The following PADI1 variants were observed in gnomAD, a reference collection of about 807,000 sequenced individuals.
The protein encoded by PADI1 is peptidyl arginine deiminase 1, also known as protein-arginine deiminase type-1.
In PADI1, 65 loss-of-function variants were observed where a neutral mutation model predicts 74.8. The ratio of observed to expected loss-of-function variants is 0.87; its 90% CI spans 0.71 to 1.07. PADI1 has a LOEUF of 1.07. Ranked by LOEUF, PADI1 falls within the 50% of genes least tolerant of loss-of-function variation. The pLI is 0.00. For synonymous variants in PADI1, 371 were observed against 336.2 expected (o/e 1.10, Z -1.13); for missense variants, 943 against 854.0 (o/e 1.10, Z -1.30).
At chr1:17,209,139 A>G (rs2071766878) in intron 1 of PADI1, among the ~76,000 whole-genome samples, 1 of 152,228 alleles carries the variant, frequency 6.6e-6, no homozygotes, top group African/African-American at 2.4e-5. Context: ...GTGTACATCG[A>G]GTAAATTAAT....
chr1:17,212,761 G>T (rs897334412), intron 1 of PADI1, among the ~76,000 whole-genome samples: 3 of 152,168 alleles, frequency 2.0e-5, no homozygotes, highest in African/African-American at 7.2e-5. Flanking sequence ...GCCCGTCTCT[G>T]ACCCAAGGCC....
intron 1 of PADI1, among the ~76,000 whole-genome samples, chr1:17,207,526 A>G (rs986822317): frequency 1.3e-5 from 2 of 152,368 alleles, no homozygotes; most frequent in African/African-American, 4.8e-5. Flanking sequence ...CAGTGCGCAC[A>G]GCTCTGGTAG....
At chr1:17,238,151 C>T (rs1282479782) in intron 12 of PADI1, among the ~76,000 whole-genome samples, 1 of 152,208 alleles carries the variant, frequency 6.6e-6, no homozygotes, top group African/African-American at 2.4e-5. Context: ...TGGGTTCAAG[C>T]GATTCTCCTG....
intron 11 of PADI1, among the ~76,000 whole-genome samples, chr1:17,236,985 G>T (rs540145299): frequency 6.6e-6 from 1 of 152,182 alleles, no homozygotes; most frequent in African/African-American, 2.4e-5. Context: ...AAGGAGGGGC[G>T]CAGTGGGGAG....
chr1:17,224,321 A>ATGGGGC (rs2072248145), intron 3 of PADI1, 46 bp from the exon 4 acceptor site: 6 of 1,539,840 alleles, frequency 3.9e-6, no homozygotes, highest in Non-Finnish European at 5.4e-6. Flanking sequence ...GGGTGTGAAG[A>ATGGGGC]TGGGGCTGGA....
At position 17,230,556 on chromosome 1, in the gene PADI1, A is replaced by T; in HGVS notation, c.1054-16A>T. On this transcript the variant is annotated splice_polypyrimidine_tract_variant and intron_variant, in intron 9 of 15. Coordinates refer to ENST00000375471, the MANE Select transcript of PADI1 (RefSeq NM_013358.3). ...CGAAAAAGGTCACTGTGGCTTTTTC[A>T]TCTCTCCCCTCCCAGGACGAGATGG... 6.3e-7 allele frequency: 1 copy of T among 1,577,056 alleles called. No individual in the cohort carries two copies. The highest frequency in any genetic ancestry group is 8.7e-7 in the Non-Finnish European group (1 of 1,155,782).
Position 17,225,877 on chromosome 1 carries a change from C to T in PADI1, c.475C>T (p.His159Tyr), listed in dbSNP as rs372107973. The T allele has an allele frequency of 3.1e-6, 5 of 1,613,980 alleles. No homozygotes were observed. The highest frequency in any genetic ancestry group is 3.4e-6 in the Non-Finnish European group (4 of 1,180,028). Residue 159 changes from histidine to tyrosine, a missense_variant, in exon 5 of 16, where the codon CAC becomes TAC. By Grantham distance (83) the His-to-Tyr change is moderately conservative. Transcript: ENST00000375471. Reference sequence around the variant, plus strand: ...GCTGGTGAACTGTGACCGGGACAATCACAGGTCCGCAGAGCCTGACCTCAC... The same window carrying T: ...GCTGGTGAACTGTGACCGGGACAATTACAGGTCCGCAGAGCCTGACCTCAC... ...ILLVNCDRDN[H>Y]RSAEPDLTHS...
rs1557448309 is a variant in PADI1 at position 17,211,201 on chromosome 1, T to TTTTGC, written c.92+5895_92+5896insGCTTT. Among the ~76,000 whole-genome samples the TTTTGC allele has an allele frequency of 1.4e-3, 35 of 24,294 alleles. No homozygotes were observed. The South Asian group carries it at 0.077, about 54-fold the overall frequency. The allele number at this position is 24,294 out of a possible 152,430, so 15.9% of individuals were successfully genotyped here. A position where few individuals can be genotyped will look rare whatever the true frequency, so the allele number is the denominator to read the frequency against. The stretch of plus-strand genomic sequence containing the variant: ...TAATGATCATGATGGCAGCCCTGGT[T>TTTTGC]TTTTGTTTTTGTTTTTGTTTTTTTT... On this transcript the variant is annotated intron_variant, in intron 1 of 15. Coordinates refer to ENST00000375471, the MANE Select transcript of PADI1 (RefSeq NM_013358.3).
intron 1 of PADI1, among the ~76,000 whole-genome samples, chr1:17,209,997 G>T (rs958168322): frequency 6.6e-6 from 1 of 151,954 alleles, no homozygotes; most frequent in Non-Finnish European, 1.5e-5. Context: ...TGGGATTACA[G>T]TTATGCACCA....
In PADI1 at chr1:17,223,731, G is replaced by A. The variant is rs138038483; in HGVS notation, c.346+38G>A. 9,255 of 1,519,912 alleles carry A rather than the reference G, an allele frequency of 6.1e-3. 51 individuals are homozygous for A. Among genetic ancestry groups the A allele is most frequent in the Middle Eastern group, 9.1e-3 (54 of 5,920 alleles). The allele number at this position is 1,519,912 out of a possible 1,614,324, so 94.2% of individuals were successfully genotyped here. On this transcript the variant is annotated intron_variant, in intron 3 of 15. Transcript: ENST00000375471. ...TCCCTGGCTGCCCATCTATCCCTTT[G>A]CCCCTCCAGGTTGACTGTTTGAGGG...
In PADI1 at chr1:17,237,294, G is replaced by T. The variant is rs757992040; in HGVS notation, c.1314-20G>T. ...CCTCTCAGGCACAAGGTGACTGCCC[G>T]CCCTCTCCCTCCTGGCCAGGTCCGG... On this transcript the variant is annotated intron_variant, in intron 11 of 15. Coordinates refer to ENST00000375471, the MANE Select transcript of PADI1 (RefSeq NM_013358.3). 1.9e-6 allele frequency: 3 copies of T among 1,589,804 alleles called. No homozygotes were observed. Among genetic ancestry groups the T allele is most frequent in the South Asian group, 2.3e-5 (2 of 88,446 alleles).
chr1:17,239,873 C>A, intron 14 of PADI1, 90 bp downstream of exon 14: 1 of 1,040,936 alleles, frequency 9.6e-7, no homozygotes, highest in Non-Finnish European at 1.5e-6. Context: ...AGAGATTCAG[C>A]GCTGGAGCTC....
intron 1 of PADI1, among the ~76,000 whole-genome samples, chr1:17,221,620 G>A (rs544203526): frequency 2.0e-5 from 3 of 152,266 alleles, no homozygotes; most frequent in East Asian, 1.9e-4. Context: ...CTTGAAGAGG[G>A]TGAGGGAAGG....
intron 1 of PADI1, among the ~76,000 whole-genome samples, chr1:17,214,852 G>A (rs2071931842): frequency 1.3e-5 from 2 of 152,228 alleles, no homozygotes; most frequent in South Asian, 4.1e-4. Context: ...GTTGGGGTAG[G>A]ATGCCAAGGG....
At chr1:17,228,041 C>T (rs527245775) in intron 6 of PADI1, among the ~76,000 whole-genome samples, 5 of 152,242 alleles carry the variant, frequency 3.3e-5, no homozygotes, top group African/African-American at 7.2e-5. Flanking sequence ...TCCAGGCTGG[C>T]GTGCAGTGAT....
chr1:17,216,285 C>T (rs1350994415), intron 1 of PADI1, among the ~76,000 whole-genome samples: 1 of 152,090 alleles, frequency 6.6e-6, no homozygotes, highest in East Asian at 1.9e-4. Flanking sequence ...GGAAGCAGGT[C>T]ACTGGCCTAT....
In PADI1 at chr1:17,222,426, G is replaced by C; in HGVS notation, c.229G>C (p.Val77Leu). The change falls in exon 2 of 16, where the codon GTC becomes CTC. Residue 77 changes from valine (V) to leucine (L), a missense_variant. Val to Leu is a conservative substitution (Grantham distance 32). Coordinates refer to ENST00000375471, the MANE Select transcript of PADI1 (RefSeq NM_013358.3). ...RWPLDTDADM[V>L]VSVGTASKEL... ...GCCGCTAGACACTGATGCAGACATG[G>C]TCGTATCTGTGGGCACAGCCAGTAA... 6.2e-7 allele frequency: 1 copy of C among 1,614,092 alleles called. No individual in the cohort carries two copies. The highest frequency in any genetic ancestry group is 8.5e-7 in the Non-Finnish European group (1 of 1,179,956).
chr1:17,228,904 TA>T, intron 7 of PADI1, 43 bp from the exon 8 acceptor site: 1 of 1,571,954 alleles, frequency 6.4e-7, no homozygotes. Flanking sequence ...TGAGGCAGGC[TA>T]GGGGTCCCTG....
chr1:17,212,357 G>C (rs1569749637), intron 1 of PADI1, among the ~76,000 whole-genome samples: 1 of 152,120 alleles, frequency 6.6e-6, no homozygotes, highest in African/African-American at 2.4e-5. Flanking sequence ...GTCCGATTCT[G>C]CCTGATTCTC....
Sources: allele counts gnomAD v4.1 joint callset (sites outside exome capture counted in the v4.1 genomes callset), GRCh38; gene constraint gnomAD v4.1.1; transcripts MANE v1.5; gene names NCBI Gene and HGNC (gene_info 2026-07-23, HGNC 2026-07-21).